XKR7: variants seen among roughly 807,000 people sequenced by gnomAD.
The protein encoded by XKR7 is XK related 7, also known as XK-related protein 7.
Under a neutral mutation model 42.2 loss-of-function variants are expected in XKR7, and 11 were observed. The ratio of observed to expected loss-of-function variants is 0.26; its 90% confidence interval spans 0.16 to 0.43. The LOEUF (loss-of-function observed/expected upper bound fraction) is 0.43. XKR7 is among the 20% of genes least tolerant of loss of function. The pLI is 1.00. For synonymous variants in XKR7, 346 were observed against 366.4 expected (o/e 0.94, Z 0.64); for missense variants, 710 against 802.2 (o/e 0.89, Z 1.39).
chr20:31,989,613 G>C (rs1243410715), intron 1 of XKR7, among the ~76,000 whole-genome samples: 1 of 152,056 alleles, frequency 6.6e-6, no homozygotes, highest in Non-Finnish European at 1.5e-5. Flanking sequence ...GGACAGACTG[G>C]GGATTTTGTT....
intron 1 of XKR7, among the ~76,000 whole-genome samples, chr20:31,979,267 T>G (rs2064500411): frequency 6.6e-6 from 1 of 152,048 alleles, no homozygotes; most frequent in Non-Finnish European, 1.5e-5. Context: ...CAGGCAAGAA[T>G]GCAGTGCCAC....
rs1250531173 is a variant in XKR7 at position 31,998,410 on chromosome 20, T to A, written c.*953T>A. On this transcript the variant is annotated 3_prime_UTR_variant, in exon 3 of 3. Transcript: ENST00000562532. ...ACTGATCCAGAAGCAGGCTTAGTTC[T>A]AGATTGAGTTCTAGAGTGCTAGGCT... 6.6e-6 allele frequency: 1 copy of A among 152,174 alleles called. No individual in the cohort carries two copies. Among genetic ancestry groups the A allele is most frequent in the African/African-American group, 2.4e-5 (1 of 41,400 alleles). 9.4% of individuals were successfully genotyped at this position (152,174 alleles called of 1,614,324 possible). A position where few individuals can be genotyped will look rare whatever the true frequency, so the allele number is the denominator to read the frequency against.
chr20:31,981,973 C>G (rs1018879978), intron 1 of XKR7, among the ~76,000 whole-genome samples: 1 of 152,240 alleles, frequency 6.6e-6, no homozygotes, highest in African/African-American at 2.4e-5. Context: ...CCTTCCCTGA[C>G]TGCCACACCC....
At chr20:31,991,250 C>T (rs982228969) in intron 1 of XKR7, among the ~76,000 whole-genome samples, 2 of 152,184 alleles carry the variant, frequency 1.3e-5, no homozygotes, top group African/African-American at 4.8e-5. Context: ...ACTCCCCAGG[C>T]CCCTTCACAT....
At chr20:31,989,502 T>G (rs2064559506) in intron 1 of XKR7, among the ~76,000 whole-genome samples, 1 of 141,390 alleles carries the variant, frequency 7.1e-6, no homozygotes, top group Non-Finnish European at 1.5e-5. Flanking sequence ...GAGAATGGAC[T>G]GTAGGGAGGC....
chr20:31,997,366 C>A lies in XKR7; in HGVS notation c.1649C>A (p.Ala550Glu), dbSNP rs1294967535. ...CGCCGGCTCCGGAAGACCATCCTGG[C>A]ACTGGAGTACTCCTCACCTGCCACG... ...IDRRLRKTIL[A>E]LEYSSPATPR... Residue 550 changes from alanine (A) to glutamate (E), a missense_variant, in exon 3 of 3, where the codon GCA becomes GAA. This residue lies in a region of XKR7 where 708 missense variants were observed against 786.2 expected (regional missense o/e 0.90). Transcript: ENST00000562532. 1 of 1,602,902 alleles carries A rather than the reference C, an allele frequency of 6.2e-7. No individual in the cohort carries two copies. The highest frequency in any genetic ancestry group is 8.5e-7 in the Non-Finnish European group (1 of 1,179,966).
rs1203097120 is a variant in XKR7 at position 31,995,672 on chromosome 20, C to T, written c.787+402C>T. Among the ~76,000 whole-genome samples the T allele has an allele frequency of 1.3e-5, 2 of 151,984 alleles. No homozygotes were observed. Among genetic ancestry groups the T allele is most frequent in the African/African-American group, 2.4e-5 (1 of 41,376 alleles). On this transcript the variant is annotated intron_variant, in intron 2 of 2. Coordinates refer to ENST00000562532, the MANE Select transcript of XKR7 (RefSeq NM_001011718.2). The surrounding 1 kb of genome is among the most constrained non-coding windows in gnomAD (Gnocchi z 4.1). ...CCCAGCCTGCATCTCCTGGGGACCC[C>T]CTGCCTCATAGACCTGGCCAATCAC...
intron 1 of XKR7, among the ~76,000 whole-genome samples, chr20:31,969,540 G>C (rs563563192): frequency 6.6e-6 from 1 of 152,334 alleles, no homozygotes; most frequent in African/African-American, 2.4e-5. Context: ...ACTGAGTTAA[G>C]TGGAGAGAGG....
intron 1 of XKR7, among the ~76,000 whole-genome samples, chr20:31,987,942 C>T (rs1325855652): frequency 1.3e-5 from 2 of 152,190 alleles, no homozygotes; most frequent in South Asian, 2.1e-4. Flanking sequence ...CAGGGCGAGA[C>T]TGACTGACTA....
intron 1 of XKR7, among the ~76,000 whole-genome samples, chr20:31,994,124 T>C (rs2064581099): frequency 6.6e-6 from 1 of 152,026 alleles, no homozygotes; most frequent in South Asian, 2.1e-4. Context: ...GGGTGAGAGC[T>C]GGGCACTGAG....
chr20:31,989,059 A>G (rs1373805923), intron 1 of XKR7, among the ~76,000 whole-genome samples: 2 of 152,190 alleles, frequency 1.3e-5, no homozygotes, highest in Admixed American at 6.5e-5. Context: ...TGGAAAATAA[A>G]TAAATAAACG....
chr20:31,968,332 G>A lies in XKR7; in HGVS notation c.157G>A (p.Glu53Lys). Residue 53 changes from glutamate to lysine, a missense_variant, in exon 1 of 3, where the codon GAG becomes AAG. This residue lies in a region of XKR7 where 708 missense variants were observed against 786.2 expected (regional missense o/e 0.90). Transcript: ENST00000562532. The surrounding 1 kb of genome is among the most constrained non-coding windows in gnomAD (Gnocchi z 4.5). ...VGAGGPGPRYELRDCCWVLCA... is the reference protein window; with the variant it reads ...VGAGGPGPRYKLRDCCWVLCA... ...GGCGGGCGGCCCGGGGCCGCGCTAC[G>A]AGCTGCGGGACTGCTGCTGGGTGCT... is the stretch of plus-strand genomic sequence containing the variant. 6.5e-7 allele frequency: 1 copy of A among 1,531,044 alleles called. No individual in the cohort carries two copies. The highest frequency in any genetic ancestry group is 8.7e-7 in the Non-Finnish European group (1 of 1,144,678). 94.8% of individuals were successfully genotyped at this position (1,531,044 alleles called of 1,614,324 possible).
At chr20:31,996,126 A>C (rs1600663653) in intron 2 of XKR7, among the ~76,000 whole-genome samples, 1 of 148,700 alleles carries the variant, frequency 6.7e-6, no homozygotes, top group Non-Finnish European at 1.5e-5. Flanking sequence ...GCAGCTCCAC[A>C]CCCTAATCAT....
intron 1 of XKR7, among the ~76,000 whole-genome samples, chr20:31,987,183 C>T (rs556716254): frequency 7.3e-6 from 1 of 137,134 alleles, no homozygotes; most frequent in African/African-American, 2.8e-5. Flanking sequence ...GACCTCAAAG[C>T]GGGCCCAGTA....
rs745844254 is a variant in XKR7 at position 31,996,695 on chromosome 20, C to G, written c.978C>G (p.Leu326=). 3 of 1,610,974 alleles carry G rather than the reference C, an allele frequency of 1.9e-6. No homozygotes were observed. The highest frequency in any genetic ancestry group is 1.7e-5 in the Admixed American group (1 of 59,704). Residue 326 remains leucine, a synonymous_variant, in exon 3 of 3, where the codon CTC becomes CTG. Transcript: ENST00000562532. ...CGCTCTTCGCCAGCGTCTACAAGCT[C>G]TATTTTGGCATCTTCATCGTGGCCC... ...AFALFASVYK[L]YFGIFIVAHW... is the part of the protein sequence containing the mutation.
intron 1 of XKR7, among the ~76,000 whole-genome samples, chr20:31,993,080 T>C (rs1600662481): frequency 7.1e-6 from 1 of 140,854 alleles, no homozygotes; most frequent in Non-Finnish European, 1.5e-5. Flanking sequence ...TGTGTAAGGG[T>C]TCCCCCTCCA....
chr20:31,993,954 C>G (rs1031219280), intron 1 of XKR7, among the ~76,000 whole-genome samples: 4 of 152,206 alleles, frequency 2.6e-5, no homozygotes, highest in Non-Finnish European at 5.9e-5. Flanking sequence ...ACAATAGGTA[C>G]AATTCCTCAG....
At chr20:31,988,262 C>T (rs1267407899) in intron 1 of XKR7, among the ~76,000 whole-genome samples, 1 of 152,106 alleles carries the variant, frequency 6.6e-6, no homozygotes, top group African/African-American at 2.4e-5. Context: ...CGTCCTTTTC[C>T]CCTCCTGCCC....
intron 1 of XKR7, among the ~76,000 whole-genome samples, chr20:31,975,815 TG>T (rs1402985110): frequency 6.6e-6 from 1 of 152,214 alleles, no homozygotes; most frequent in East Asian, 1.9e-4. Flanking sequence ...AAAAAATGCA[TG>T]TATAGATTTG....
Sources: allele counts gnomAD v4.1 joint callset (sites outside exome capture counted in the v4.1 genomes callset), GRCh38; gene constraint gnomAD v4.1.1; regional missense constraint gnomAD v4.1.1; non-coding constraint Gnocchi (gnomAD v3.1); transcripts MANE v1.5; gene names NCBI Gene and HGNC (gene_info 2026-07-23, HGNC 2026-07-21).